The following SPRTN variants were observed in gnomAD, a reference collection of about 807,000 sequenced individuals.
The protein encoded by SPRTN is SprT-like N-terminal domain.
A neutral mutation model predicts 31.9 loss-of-function variants in SPRTN; 11 were observed. The ratio of observed to expected loss-of-function variants is 0.34; its 90% CI spans 0.22 to 0.57. The LOEUF (loss-of-function observed/expected upper bound fraction) is 0.57. SPRTN is among the 20% of genes least tolerant of loss of function. The pLI, the probability that SPRTN is intolerant of heterozygous loss-of-function variation, is 0.86. For missense variants in SPRTN, 482 were observed against 590.1 expected, an observed-to-expected ratio of 0.82 and a Z score of 1.90; for synonymous variants, 185 against 212.1, an observed-to-expected ratio of 0.87 and a Z score of 1.11.
At chr1:231,342,836 G>A (rs112786504) in intron 2 of SPRTN, among the ~76,000 whole-genome samples, 1 of 152,058 alleles carries the variant, frequency 6.6e-6, no homozygotes, top group African/African-American at 2.4e-5. Flanking sequence ...CCGGGTTCAG[G>A]CCATTCTCCT....
In SPRTN at chr1:231,351,575, C is replaced by T. The variant is rs756977400; in HGVS notation, c.718+4C>T. 1.5e-5 allele frequency: 25 copies of T among 1,613,040 alleles called. No individual in the cohort carries two copies. ...GTATTGGCCGCAGAGAATAAAGGTA[C>T]CTTCGTGTATATTCTTCTGATTTTT... On this transcript the variant is annotated splice_donor_region_variant and intron_variant, in intron 4 of 4. Coordinates refer to ENST00000295050, the MANE Select transcript of SPRTN (RefSeq NM_032018.7).
In SPRTN at chr1:231,338,700, C is replaced by T; in HGVS notation, c.221+96C>T. On this transcript the variant is annotated intron_variant, in intron 1 of 4. Transcript: ENST00000295050. ...CTCTCCTTTCTCTAGTCCGACGGTC[C>T]CAGGGGGCGTTAAATGAGGGGAGTC... 7.0e-6 allele frequency: 10 copies of T among 1,437,548 alleles called. No individual in the cohort carries two copies. The Admixed American group carries it at 1.9e-4, about 27-fold the overall frequency. 89.0% of individuals were successfully genotyped at this position (1,437,548 alleles called of 1,614,324 possible). A position where few individuals can be genotyped will look rare whatever the true frequency, so the allele number is the denominator to read the frequency against.
At chr1:231,338,727 G>A (rs531321193) in intron 1 of SPRTN, 123 bp downstream of exon 1, 151 of 1,128,220 alleles carry the variant, frequency 1.3e-4, no homozygotes, top group Non-Finnish European at 1.8e-4. Flanking sequence ...AGGGGAGTCT[G>A]GTTTTGGACC....
Position 231,353,222 on chromosome 1 carries a change from CCAG to C in SPRTN, c.1335_1337del (p.Ser449del). ...TATAGTACAACCACAGCTCAGAATT[CCAG>C]CAGTTCATCCAGTCAGAGCAAAATG... On this transcript the variant is annotated inframe_deletion, in exon 5 of 5. Transcript: ENST00000295050. 1 of 1,614,070 alleles carries C rather than the reference CCAG, an allele frequency of 6.2e-7. No individual in the cohort carries two copies. Among genetic ancestry groups the C allele is most frequent in the South Asian group, 1.1e-5 (1 of 91,054 alleles).
chr1:231,343,692 C>T (rs1686970200), intron 2 of SPRTN, among the ~76,000 whole-genome samples: 1 of 152,082 alleles, frequency 6.6e-6, no homozygotes, highest in Non-Finnish European at 1.5e-5. Context: ...GAGCCTGTCC[C>T]AGGTCTCATG....
intron 2 of SPRTN, among the ~76,000 whole-genome samples, chr1:231,342,999 A>G (rs555468698): frequency 1.1e-3 from 162 of 151,708 alleles, no homozygotes; most frequent in African/African-American, 3.7e-3. Flanking sequence ...AGCCTCCCAA[A>G]GTGCTGGGAT....
Position 231,353,395 on chromosome 1 carries a change from T to C in SPRTN, c.*34T>C, listed in dbSNP as rs757009337. On this transcript the variant is annotated 3_prime_UTR_variant, in exon 5 of 5. Transcript: ENST00000295050. The stretch of plus-strand genomic sequence containing the variant: ...TCAAAGTCTCAAGTACCACCTGTAT[T>C]ATCTCACTAATGTGCTATGTCAGCC... 3 of 1,534,204 alleles carry C rather than the reference T, an allele frequency of 2.0e-6. No individual in the cohort carries two copies. In the South Asian group the frequency reaches 3.9e-5, roughly 20 times the overall value.
chr1:231,354,249 A>G lies in SPRTN; in HGVS notation c.*888A>G. On this transcript the variant is annotated 3_prime_UTR_variant, in exon 5 of 5. Coordinates refer to ENST00000295050, the MANE Select transcript of SPRTN (RefSeq NM_032018.7). ...AAAGGAATACCATTTGTGCATTTTAAGTAATCTTTTTTAAAAAAAATATTT... is the reference window on the plus strand; with the variant it reads ...AAAGGAATACCATTTGTGCATTTTAGGTAATCTTTTTTAAAAAAAATATTT... The G allele has an allele frequency of 5.1e-6, 5 of 976,584 alleles. No homozygotes were observed. The highest frequency in any genetic ancestry group is 6.1e-6 in the Non-Finnish European group (5 of 821,872). 60.5% of individuals were successfully genotyped at this position (976,584 alleles called of 1,614,324 possible). A position where few individuals can be genotyped will look rare whatever the true frequency, so the allele number is the denominator to read the frequency against.
intron 2 of SPRTN, 192 bp downstream of exon 2, chr1:231,340,060 AAC>A (rs1491367536): frequency 1.6e-5 from 8 of 495,732 alleles, no homozygotes; most frequent in Non-Finnish European, 2.8e-5. Flanking sequence ...AAAAAAAAAA[AAC>A]AAAAAAAAGG....
intron 4 of SPRTN, 72 bp downstream of exon 4, chr1:231,351,643 A>C (rs763704586): frequency 3.9e-6 from 6 of 1,558,104 alleles, no homozygotes; most frequent in Non-Finnish European, 5.2e-6. Flanking sequence ...TGTCCTTCAG[A>C]GAACTGGTAT....
chr1:231,338,419 G>A lies in SPRTN; in HGVS notation c.36G>A (p.Gln12=), dbSNP rs758119077. The stretch of plus-strand genomic sequence containing the variant: ...ACTTGATGTTGGCACTGCGGCTTCA[G>A]GAGGAGTGGAACTTGCAGGAGGCGG... The part of the protein sequence containing the change: ...DDDLMLALRL[Q]EEWNLQEAER... The change falls in exon 1 of 5, where the codon CAG becomes CAA. Residue 12 remains glutamine, a synonymous_variant. Transcript: ENST00000295050. 1.2e-6 allele frequency: 2 copies of A among 1,614,296 alleles called. No individual in the cohort carries two copies. The highest frequency in any genetic ancestry group is 1.7e-6 in the Non-Finnish European group (2 of 1,180,048).
chr1:231,353,401 A>T lies in SPRTN; in HGVS notation c.*40A>T. 1 of 1,510,058 alleles carries T rather than the reference A, an allele frequency of 6.6e-7. No homozygotes were observed. Among genetic ancestry groups the T allele is most frequent in the Non-Finnish European group, 8.8e-7 (1 of 1,133,336 alleles). The allele number at this position is 1,510,058 out of a possible 1,614,324, so 93.5% of individuals were successfully genotyped here. ...TCTCAAGTACCACCTGTATTATCTC[A>T]CTAATGTGCTATGTCAGCCAGTCAG... On this transcript the variant is annotated 3_prime_UTR_variant, in exon 5 of 5. Transcript: ENST00000295050.
In SPRTN at chr1:231,354,422, G is replaced by T. The variant is rs1687334228; in HGVS notation, c.*1061G>T. 3 of 981,562 alleles carry T rather than the reference G, an allele frequency of 3.1e-6. No individual in the cohort carries two copies. The highest frequency in any genetic ancestry group is 3.6e-6 in the Non-Finnish European group (3 of 826,562). The allele number at this position is 981,562 out of a possible 1,614,324, so 60.8% of individuals were successfully genotyped here. On this transcript the variant is annotated 3_prime_UTR_variant, in exon 5 of 5. Transcript: ENST00000295050. The stretch of plus-strand genomic sequence containing the variant: ...TTTCCTTCACTTTGTTGTAATACAG[G>T]TGCACAAATCTTAAGTGCACAGCTG...
intron 2 of SPRTN, chr1:231,344,836 T>C: frequency 4.1e-6 from 1 of 246,104 alleles, no homozygotes; most frequent in South Asian, 5.0e-5. Context: ...GCATCTTTGG[T>C]GTGGAATGAG....
Position 231,355,010 on chromosome 1 carries a change from C to CCTAT in SPRTN, c.*1649_*1650insCTAT. 1.4e-6 allele frequency: 1 copy of CCTAT among 723,426 alleles called. No individual in the cohort carries two copies. Among genetic ancestry groups the CCTAT allele is most frequent in the Non-Finnish European group, 1.7e-6 (1 of 591,182 alleles). 44.8% of individuals were successfully genotyped at this position (723,426 alleles called of 1,614,324 possible). A position where few individuals can be genotyped will look rare whatever the true frequency, so the allele number is the denominator to read the frequency against. ...AAGCATTAAAACATTTTAATAAATA[C>CCTAT]TTATAAATAGGTATTAAAATGTATA... is the stretch of plus-strand genomic sequence containing the variant. On this transcript the variant is annotated 3_prime_UTR_variant, in exon 5 of 5. Transcript: ENST00000295050.
Position 231,338,315 on chromosome 1 carries a change from G to A in SPRTN, c.-69G>A. 6.4e-7 allele frequency: 1 copy of A among 1,561,620 alleles called. No individual in the cohort carries two copies. The highest frequency in any genetic ancestry group is 2.2e-5 in the East Asian group (1 of 44,552). Reference sequence around the variant, plus strand: ...GCTAGTCCTGGTCCTCGGCTAGGCGGCTTGGGGTCGCGGCGTAACTGGGGA... The same window carrying A: ...GCTAGTCCTGGTCCTCGGCTAGGCGACTTGGGGTCGCGGCGTAACTGGGGA... On this transcript the variant is annotated 5_prime_UTR_variant, in exon 1 of 5. Coordinates refer to ENST00000295050, the MANE Select transcript of SPRTN (RefSeq NM_032018.7).
intron 2 of SPRTN, among the ~76,000 whole-genome samples, chr1:231,343,216 CACTCTATAGCCTAGGTATATAT>C (rs1558363123): frequency 2.0e-5 from 3 of 151,602 alleles, no homozygotes; most frequent in Admixed American, 6.6e-5. Context: ...TAGGTATATA[CACTCTATAGCCTAGGTATATAT>C]ACTCTATAGC....
intron 4 of SPRTN, chr1:231,352,013 C>A: frequency 1.0e-6 from 1 of 996,230 alleles, no homozygotes; most frequent in South Asian, 4.4e-5. Context: ...CAGCTGGATT[C>A]TATCCAAGTG....
chr1:231,338,707 G>A (rs975804787), intron 1 of SPRTN, 103 bp downstream of exon 1: 3 of 1,384,542 alleles, frequency 2.2e-6, no homozygotes, highest in African/African-American at 2.9e-5. Flanking sequence ...GTCCCAGGGG[G>A]CGTTAAATGA....
Sources: gnomAD v4.1 joint callset for allele counts (sites outside exome capture counted in the v4.1 genomes callset) on GRCh38, gnomAD v4.1.1 for gene constraint, MANE v1.5 for transcripts, NCBI Gene and HGNC (gene_info 2026-07-23, HGNC 2026-07-21) for gene names.